Variants in DDX21 observed in about 807,000 individuals in gnomAD.
The protein encoded by DDX21 is nucleolar RNA helicase 2.
In DDX21, 18 loss-of-function variants were observed where a neutral mutation model predicts 90.0. The observed-to-expected ratio is 0.20, with a 90% CI of 0.14 to 0.30. DDX21 has a LOEUF of 0.30. Among genes scored for constraint, DDX21 ranks in the 10% least tolerant of loss-of-function variants. The probability of loss-of-function intolerance (pLI) is 1.00; values close to 1 mark genes in which losing one functional copy is unlikely to be tolerated. For synonymous variants in DDX21, 294 were observed against 318.0 expected, an observed-to-expected ratio of 0.92 and a Z score of 0.80; for missense variants, 673 against 944.5, an observed-to-expected ratio of 0.71 and a Z score of 3.77.
At chr10:68,959,578 A>G (rs1842845856) in intron 1 of DDX21, among the ~76,000 whole-genome samples, 1 of 152,200 alleles carries the variant, frequency 6.6e-6, no homozygotes, top group African/African-American at 2.4e-5. Context: ...AAGATAGTGA[A>G]ACTATTGATA....
chr10:68,972,933 C>T (rs1246251886), intron 9 of DDX21, among the ~76,000 whole-genome samples: 1 of 152,098 alleles, frequency 6.6e-6, no homozygotes, highest in East Asian at 1.9e-4. Context: ...GTCTGTAATC[C>T]CAGCACCTTG....
At position 68,973,627 on chromosome 10, in the gene DDX21, A is replaced by G; in HGVS notation, c.1631A>G (p.Lys544Arg). 1 of 1,614,182 alleles carries G rather than the reference A, an allele frequency of 6.2e-7. No individual in the cohort carries two copies. Residue 544 changes from lysine (K) to arginine (R), a missense_variant, in exon 10 of 15, where the codon AAG becomes AGG. By Grantham distance (26) the Lys-to-Arg change is conservative (BLOSUM62 2). Transcript: ENST00000354185. ...GTGTGCATCTGCTTTTATCAGCACA[A>G]GGAAGAATATCAGTTAGTACAAGTG... ...TGVCICFYQHKEEYQLVQVEQ... is the reference protein window; with the variant it reads ...TGVCICFYQHREEYQLVQVEQ...
Position 68,960,287 on chromosome 10 carries a change from T to C in DDX21, c.531+38T>C. 2.6e-6 allele frequency: 4 copies of C among 1,546,722 alleles called. No homozygotes were observed. In the South Asian group the frequency reaches 3.8e-5, roughly 15 times the overall value. On this transcript the variant is annotated intron_variant, in intron 2 of 14. Transcript: ENST00000354185. ...TTCATTGGGTAGAAGATATCTTTCATTGTTGTTTCAGATAAATAAGTAGGT... is the reference window on the plus strand; with the variant it reads ...TTCATTGGGTAGAAGATATCTTTCACTGTTGTTTCAGATAAATAAGTAGGT...
intron 13 of DDX21, among the ~76,000 whole-genome samples, chr10:68,979,994 A>G (rs1376104717): frequency 6.6e-6 from 1 of 152,180 alleles, no homozygotes; most frequent in Non-Finnish European, 1.5e-5. Flanking sequence ...TAATCTCAGC[A>G]CTTTGGGAGG....
At position 68,958,217 on chromosome 10, in the gene DDX21, G is replaced by A. The variant is rs140459875; in HGVS notation, c.88-1589G>A. 7.1e-3 allele frequency among the ~76,000 whole-genome samples: 1,083 copies of A among 151,846 alleles called. 7 individuals carry two copies. The highest frequency in any genetic ancestry group is 0.011 in the Non-Finnish European group (715 of 67,930). ...TCAAACTCCCAGCCTCAGGTGATCC[G>A]CCCACCTCGGCCTCCCAAAGTGCTG... On this transcript the variant is annotated intron_variant, in intron 1 of 14. Coordinates refer to ENST00000354185, the MANE Select transcript of DDX21 (RefSeq NM_004728.4).
chr10:68,970,970 T>TTC, intron 8 of DDX21, among the ~76,000 whole-genome samples: 1 of 142,138 alleles, frequency 7.0e-6, no homozygotes, highest in Admixed American at 7.1e-5. Context: ...TTTTTTTTTT[T>TTC]TTTTTTTTTT....
intron 11 of DDX21, among the ~76,000 whole-genome samples, chr10:68,975,475 G>A (rs998940072): frequency 2.6e-5 from 4 of 152,104 alleles, no homozygotes; most frequent in Non-Finnish European, 5.9e-5. Flanking sequence ...GCCTCCTGAT[G>A]GTGACCTATG....
chr10:68,957,799 G>C (rs1425146326), intron 1 of DDX21, among the ~76,000 whole-genome samples: 2 of 152,186 alleles, frequency 1.3e-5, no homozygotes, highest in Non-Finnish European at 2.9e-5. Flanking sequence ...TTTGAGAACA[G>C]AGACCAGGCC....
intron 11 of DDX21, among the ~76,000 whole-genome samples, chr10:68,975,213 G>C (rs992830152): frequency 2.0e-5 from 3 of 152,204 alleles, no homozygotes; most frequent in African/African-American, 7.2e-5. Flanking sequence ...CATTAATCCA[G>C]TTCCTTCCCT....
intron 9 of DDX21, 137 bp from the exon 10 acceptor site, chr10:68,973,408 G>A: frequency 3.9e-6 from 4 of 1,036,898 alleles, no homozygotes; most frequent in Non-Finnish European, 5.6e-6. Flanking sequence ...TCTTTAAATT[G>A]AAGTGCTAAG....
chr10:68,983,048 A>G lies in DDX21; in HGVS notation c.*236A>G, dbSNP rs955035071. 15 of 576,486 alleles carry G rather than the reference A, an allele frequency of 2.6e-5. No homozygotes were observed. In the Admixed American group the frequency reaches 3.4e-4, roughly 13 times the overall value. The allele number at this position is 576,486 out of a possible 1,614,324, so 35.7% of individuals were successfully genotyped here. Reference sequence around the variant, plus strand: ...TTCCTTTTGAAAGGTGTATGAATTCATTACATTTTTATTCTAATGTATTAT... The same window carrying G: ...TTCCTTTTGAAAGGTGTATGAATTCGTTACATTTTTATTCTAATGTATTAT... On this transcript the variant is annotated 3_prime_UTR_variant, in exon 15 of 15. Coordinates refer to ENST00000354185, the MANE Select transcript of DDX21 (RefSeq NM_004728.4).
chr10:68,959,301 C>A (rs1182374654), intron 1 of DDX21, among the ~76,000 whole-genome samples: 6 of 152,028 alleles, frequency 3.9e-5, no homozygotes, highest in Non-Finnish European at 5.9e-5. Context: ...TGAGACCAGC[C>A]TGGGCAACAT....
At chr10:68,969,184 ATTAAG>A in intron 7 of DDX21, 63 bp downstream of exon 7, 1 of 1,455,512 alleles carries the variant, frequency 6.9e-7, no homozygotes. Context: ...GTCTGTTAGT[ATTAAG>A]ACTGGCAAAT....
intron 13 of DDX21, among the ~76,000 whole-genome samples, chr10:68,979,177 A>T (rs982888237): frequency 1.3e-5 from 2 of 152,202 alleles, no homozygotes; most frequent in Non-Finnish European, 1.5e-5. Flanking sequence ...AACCGTTCTC[A>T]CAATGCCAGA....
In DDX21 at chr10:68,967,209, C is replaced by G; in HGVS notation, c.1090+6C>G. Reference sequence around the variant, plus strand: ...AAGTGTGGCATACAAGAAAGGTAATCCACAAATTCAAGAAGCTGATAAAAA... The same window carrying G: ...AAGTGTGGCATACAAGAAAGGTAATGCACAAATTCAAGAAGCTGATAAAAA... On this transcript the variant is annotated splice_donor_region_variant and intron_variant, in intron 6 of 14. Transcript: ENST00000354185. The G allele has an allele frequency of 1.9e-6, 3 of 1,601,218 alleles. No homozygotes were observed. The highest frequency in any genetic ancestry group is 2.6e-6 in the Non-Finnish European group (3 of 1,172,170).
chr10:68,982,969 T>A lies in DDX21; in HGVS notation c.*157T>A. 1 of 900,838 alleles carries A rather than the reference T, an allele frequency of 1.1e-6. No individual in the cohort carries two copies. Among genetic ancestry groups the A allele is most frequent in the Non-Finnish European group, 1.7e-6 (1 of 604,566 alleles). The allele number at this position is 900,838 out of a possible 1,614,324, so 55.8% of individuals were successfully genotyped here. A position where few individuals can be genotyped will look rare whatever the true frequency, so the allele number is the denominator to read the frequency against. On this transcript the variant is annotated 3_prime_UTR_variant, in exon 15 of 15. Transcript: ENST00000354185. The stretch of plus-strand genomic sequence containing the variant: ...AGACACAGACAAGCTTCATTTAAAT[T>A]ATTTCATCTGATCATTATCATTTAT...
intron 10 of DDX21, 50 bp downstream of exon 10, chr10:68,973,714 G>A: frequency 6.4e-7 from 1 of 1,570,546 alleles, no homozygotes; most frequent in South Asian, 1.2e-5. Flanking sequence ...TCTAAAGTCA[G>A]TCTTTGGTTT....
rs144988988 is a variant in DDX21, at chr10:68,982,590, G to A, written c.2130G>A (p.Glu710=). Residue 710 remains glutamate (E), a synonymous_variant, in exon 15 of 15, where the codon GAG becomes GAA. Transcript: ENST00000354185. ...SRRWQLSVAT[E]QPELEGPREG... Reference sequence around the variant, plus strand: ...GCTGGCAGCTCTCTGTGGCCACAGAGCAACCAGAACTGGAAGGACCACGGG... The same window carrying A: ...GCTGGCAGCTCTCTGTGGCCACAGAACAACCAGAACTGGAAGGACCACGGG... The A allele has an allele frequency of 1.3e-5, 21 of 1,613,934 alleles. No homozygotes were observed. The highest frequency in any genetic ancestry group is 1.8e-5 in the Non-Finnish European group (21 of 1,179,868).
intron 4 of DDX21, 119 bp downstream of exon 4, chr10:68,963,588 G>T: frequency 1.3e-6 from 1 of 788,254 alleles, no homozygotes. Flanking sequence ...TATTTACTGT[G>T]GATCTTTATG....
Sources: allele counts gnomAD v4.1 joint callset (sites outside exome capture counted in the v4.1 genomes callset), GRCh38; gene constraint gnomAD v4.1.1; transcripts MANE v1.5; gene names NCBI Gene and HGNC (gene_info 2026-07-23, HGNC 2026-07-21).